The following TUBB8B variants were observed in gnomAD, a reference collection of about 807,000 sequenced individuals.
The protein encoded by TUBB8B is tubulin beta 8B.
In TUBB8B, 26 loss-of-function variants were observed where a neutral mutation model predicts 31.9. That is an observed-to-expected ratio of 0.81 (90% CI 0.60 to 1.13). The LOEUF is 1.13. Ranked by LOEUF, TUBB8B falls within the 50% of genes most tolerant of loss-of-function variation. TUBB8B has a pLI of 0.00. For synonymous variants in TUBB8B, 173 were observed against 231.0 expected (o/e 0.75, Z 2.28); for missense variants, 467 against 586.7 (o/e 0.80, Z 2.11).
the TUBB8B span, among the ~76,000 whole-genome samples, chr18:72,177 CAA>C: frequency 2.0e-4 from 16 of 78,722 alleles, no homozygotes; most frequent in Non-Finnish European, 2.3e-4. Flanking sequence ...GACTCCATCT[CAA>C]AAAAAAAAAA....
rs569820036 is a variant in TUBB8B at position 49,615 on chromosome 18, C to T, written c.-58G>A. ...GCGAGAAGGAGGAGCAGACGCGCAG[C>T]GACCCAGCCCGCCCTCCGCTAACGC... On this transcript the variant is annotated 5_prime_UTR_variant, in exon 1 of 4. Coordinates refer to ENST00000308911, the MANE Select transcript of TUBB8B (RefSeq NM_001358689.2). 3.7e-4 allele frequency: 279 copies of T among 754,312 alleles called. 2 individuals are homozygous for T. The African/African-American group carries it at 4.5e-3, about 12-fold the overall frequency. 46.7% of individuals were successfully genotyped at this position (754,312 alleles called of 1,614,324 possible).
At chr18:68,968 A>C in the TUBB8B span, among the ~76,000 whole-genome samples, 1 of 152,236 alleles carries the variant, frequency 6.6e-6, no homozygotes. Flanking sequence ...CAAAATCCTT[A>C]AAGTCACTGC....
rs12104022 is a variant in TUBB8B at position 48,371 on chromosome 18, G to T, written c.354C>A (p.Asp118Glu). 1.2e-6 allele frequency: 2 copies of T among 1,605,894 alleles called. No individual in the cohort carries two copies. The highest frequency in any genetic ancestry group is 4.5e-5 in the East Asian group (2 of 44,856). ...EGAELTESVM[D>E]VVRKEAESCD... ...AGCTCTCAGCCTCCTTTCTGACAAC[G>T]TCCATCACTGACTCCGTCAGCTCCG... Residue 118 changes from aspartate to glutamate, a missense_variant, in exon 4 of 4, where the codon GAC becomes GAA. Physicochemically the swap from Asp to Glu is conservative, Grantham distance 45. This residue lies in a region of TUBB8B where 259 missense variants were observed against 380.1 expected (regional missense o/e 0.68). Coordinates refer to ENST00000308911, the MANE Select transcript of TUBB8B (RefSeq NM_001358689.2).
At chr18:55,983 T>C in the TUBB8B span, among the ~76,000 whole-genome samples, 3 of 152,006 alleles carry the variant, frequency 2.0e-5, no homozygotes, top group Non-Finnish European at 4.4e-5. Context: ...GTTTAAGTCC[T>C]TAATTCATTT....
chr18:47,965 CCAGCTTCCGCAGGTCAGCATT>C lies in TUBB8B; in HGVS notation c.739_759del (p.Asn247_Leu253del). On this transcript the variant is annotated inframe_deletion, in exon 4 of 4. Transcript: ENST00000308911. ...CGGGGAAACGGGACCATGTTCACGG[CCAGCTTCCGCAGGTCAGCATT>C]CAGCTGGCCTGGGAAGCGCAGGCAT... The C allele has an allele frequency of 1.2e-6, 2 of 1,611,652 alleles. No homozygotes were observed. The highest frequency in any genetic ancestry group is 2.7e-5 in the African/African-American group (2 of 75,030).
chr18:71,495 G>C, the TUBB8B span, among the ~76,000 whole-genome samples: 28,204 of 138,822 alleles, frequency 0.2, 3,101 homozygotes, highest in African/African-American at 0.32. Flanking sequence ...TGCAGCGAGC[G>C]AAGATTGGGA....
Position 48,974 on chromosome 18 carries a change from G to A in TUBB8B, c.243C>T (p.Phe81=), listed in dbSNP as rs547575993. 49 of 1,608,558 alleles carry A rather than the reference G, an allele frequency of 3.0e-5. No homozygotes were observed. The highest frequency in any genetic ancestry group is 2.4e-4 in the African/African-American group (18 of 74,798). Residue 81 remains phenylalanine, a synonymous_variant, in exon 3 of 4, where the codon TTC becomes TTT. Coordinates refer to ENST00000308911, the MANE Select transcript of TUBB8B (RefSeq NM_001358689.2). ...GTMDSVHSGP[F]GQVFRPDNFI... ...AGTTGTCTGGCCTGAAGACCTGCCC[G>A]AAGGGCCCCGAGTGCACAGAGTCCA...
At chr18:62,631 C>T in the TUBB8B span, among the ~76,000 whole-genome samples, 4 of 151,700 alleles carry the variant, frequency 2.6e-5, no homozygotes, top group South Asian at 8.3e-4. Context: ...CTGTGTTAGC[C>T]AGGATGGCCT....
chr18:66,530 G>A, the TUBB8B span, among the ~76,000 whole-genome samples: 1 of 145,010 alleles, frequency 6.9e-6, no homozygotes, highest in East Asian at 1.9e-4. Flanking sequence ...CAGCCTGGGA[G>A]ACAAGAGTGA....
the TUBB8B span, among the ~76,000 whole-genome samples, chr18:63,590 G>T: frequency 2.4e-3 from 360 of 150,586 alleles, 4 homozygotes; most frequent in African/African-American, 8.1e-3. Context: ...ACGACAACTT[G>T]GCTACCATAT....
chr18:48,995 G>A lies in TUBB8B; in HGVS notation c.222C>T (p.Asp74=), dbSNP rs762069861. The change falls in exon 3 of 4, where the codon GAC becomes GAT. Residue 74 remains aspartate (D), a synonymous_variant. Transcript: ENST00000308911. The part of the protein sequence containing the change: ...VLVDLEPGTM[D]SVHSGPFGQV... Reference sequence around the variant, plus strand: ...GCCCGAAGGGCCCCGAGTGCACAGAGTCCATGGTGCCCGGCTCCAGATCCA... The same window carrying A: ...GCCCGAAGGGCCCCGAGTGCACAGAATCCATGGTGCCCGGCTCCAGATCCA... 5.6e-6 allele frequency: 9 copies of A among 1,609,708 alleles called. No individual in the cohort carries two copies. The highest frequency in any genetic ancestry group is 7.6e-6 in the Non-Finnish European group (9 of 1,178,196).
rs767923637 is a variant in TUBB8B, at chr18:48,282, C to A, written c.443G>T (p.Gly148Val). The change falls in exon 4 of 4, where the codon GGT (glycine) becomes GTT (valine). Residue 148 changes from glycine to valine, a missense_variant. Gly to Val is a moderately radical substitution (Grantham distance 109, BLOSUM62 -3). This residue lies in a region of TUBB8B where 259 missense variants were observed against 380.1 expected (regional missense o/e 0.68). Coordinates refer to ENST00000308911, the MANE Select transcript of TUBB8B (RefSeq NM_001358689.2). ...CCGGATCTTACTAATGAGAAGGGTA[C>A]CCATCCCAGACCCAGTCCCCCCACC... ...SLGGGTGSGM[G>V]TLLISKIREE... The A allele has an allele frequency of 5.0e-6, 8 of 1,612,424 alleles. No homozygotes were observed. Among genetic ancestry groups the A allele is most frequent in the Non-Finnish European group, 6.8e-6 (8 of 1,178,882 alleles).
chr18:57,283 G>T, the TUBB8B span, among the ~76,000 whole-genome samples: 2 of 151,538 alleles, frequency 1.3e-5, no homozygotes, highest in Non-Finnish European at 2.9e-5. Flanking sequence ...CTATAAGCTT[G>T]TAAAATAAAA....
the TUBB8B span, among the ~76,000 whole-genome samples, chr18:56,502 C>T: frequency 4.0e-5 from 6 of 151,638 alleles, no homozygotes; most frequent in Non-Finnish European, 7.4e-5. Flanking sequence ...TTTCTTTTAT[C>T]GGTGTTTTAC....
the TUBB8B span, among the ~76,000 whole-genome samples, chr18:68,098 C>T: frequency 5.2e-3 from 645 of 123,584 alleles, no homozygotes; most frequent in African/African-American, 0.014. Flanking sequence ...TGAATTTGGA[C>T]TGGGTTTGGC....
the TUBB8B span, among the ~76,000 whole-genome samples, chr18:63,764 C>A: frequency 2.0e-5 from 3 of 148,250 alleles, no homozygotes; most frequent in Admixed American, 6.7e-5. Context: ...AGCCCTAACC[C>A]TAACCCTAGC....
At chr18:70,465 TC>T in the TUBB8B span, among the ~76,000 whole-genome samples, 1 of 151,056 alleles carries the variant, frequency 6.6e-6, no homozygotes, top group African/African-American at 2.4e-5. Flanking sequence ...AAACCCCACC[TC>T]TACTAAAAAC....
chr18:67,810 C>T, the TUBB8B span, among the ~76,000 whole-genome samples: 7 of 152,030 alleles, frequency 4.6e-5, no homozygotes, highest in Admixed American at 2.6e-4. Flanking sequence ...GTGAAGCCCA[C>T]GAGATTCATG....
the TUBB8B span, among the ~76,000 whole-genome samples, chr18:55,226 G>C: frequency 6.6e-6 from 1 of 151,682 alleles, no homozygotes; most frequent in Non-Finnish European, 1.5e-5. Flanking sequence ...TCAGCCTCTT[G>C]AGTAGCCGGG....
Sources: allele counts gnomAD v4.1 joint callset (sites outside exome capture counted in the v4.1 genomes callset), GRCh38; gene constraint gnomAD v4.1.1; regional missense constraint gnomAD v4.1.1; transcripts MANE v1.5; gene names NCBI Gene and HGNC (gene_info 2026-07-23, HGNC 2026-07-21).